The following ATP8B1 variants were observed in gnomAD, a reference collection of about 807,000 sequenced individuals.
ATP8B1 encodes the protein ATPase phospholipid transporting 8B1.
A neutral mutation model predicts 149.9 loss-of-function variants in ATP8B1; 80 were observed. The observed-to-expected ratio is 0.53, with a 90% CI of 0.45 to 0.64. ATP8B1 has a LOEUF of 0.64. Among genes scored for constraint, ATP8B1 ranks in the 30% least tolerant of loss-of-function variants. The pLI is 0.00. For synonymous variants in ATP8B1, 536 were observed against 562.8 expected (o/e 0.95, Z 0.67); for missense variants, 1,247 against 1,552.6 (o/e 0.80, Z 3.31).
intron 1 of ATP8B1, among the ~76,000 whole-genome samples, chr18:57,760,095 G>C (rs1416173853): frequency 6.6e-6 from 1 of 152,050 alleles, no homozygotes; most frequent in East Asian, 1.9e-4. Context: ...TGCAGTACCT[G>C]GATATTCCAA....
At chr18:57,762,617 G>T (rs1485430971) in intron 1 of ATP8B1, among the ~76,000 whole-genome samples, 1 of 152,206 alleles carries the variant, frequency 6.6e-6, no homozygotes, top group African/African-American at 2.4e-5. Flanking sequence ...AGTAAAGGCA[G>T]AAGAGGAGAG....
chr18:57,736,020 G>T (rs2079851141), intron 1 of ATP8B1, among the ~76,000 whole-genome samples: 2 of 105,744 alleles, frequency 1.9e-5, no homozygotes, highest in South Asian at 6.7e-4. Flanking sequence ...TCCCCTCCCT[G>T]TGTTCATGTG....
At chr18:57,764,255 CTTCCTTCT>C (rs2080184998) in intron 1 of ATP8B1, among the ~76,000 whole-genome samples, 1 of 150,054 alleles carries the variant, frequency 6.7e-6, no homozygotes. Flanking sequence ...GCCTTCCTTC[CTTCCTTCT>C]TTCCTTCCTT....
At chr18:57,686,068 T>C (rs1028705744) in intron 13 of ATP8B1, among the ~76,000 whole-genome samples, 6 of 152,034 alleles carry the variant, frequency 3.9e-5, no homozygotes, top group Admixed American at 6.6e-5. Context: ...GTCAACATGG[T>C]GAAACCCCAT....
intron 1 of ATP8B1, among the ~76,000 whole-genome samples, chr18:57,796,303 C>A (rs2080515021): frequency 6.6e-6 from 1 of 152,226 alleles, no homozygotes; most frequent in Admixed American, 6.5e-5. Context: ...TTCTTACAAT[C>A]TTTGTAGCCT....
intron 1 of ATP8B1, among the ~76,000 whole-genome samples, chr18:57,788,929 T>C (rs2080435550): frequency 6.6e-6 from 1 of 152,118 alleles, no homozygotes; most frequent in Non-Finnish European, 1.5e-5. Context: ...TTTAGGAGAA[T>C]AGGAAAATAA....
intron 22 of ATP8B1, among the ~76,000 whole-genome samples, chr18:57,660,847 T>A (rs1910341014): frequency 6.6e-6 from 1 of 152,132 alleles, no homozygotes; most frequent in African/African-American, 2.4e-5. Flanking sequence ...ACCCAAAATA[T>A]GGGAAGAGAA....
At chr18:57,666,080 A>C (rs1910838314) in intron 20 of ATP8B1, among the ~76,000 whole-genome samples, 1 of 152,110 alleles carries the variant, frequency 6.6e-6, no homozygotes, top group Admixed American at 6.6e-5. Flanking sequence ...ACTTTATCAC[A>C]CCTGGCAAAT....
intron 2 of ATP8B1, among the ~76,000 whole-genome samples, chr18:57,709,067 A>G (rs1440009153): frequency 2.0e-5 from 3 of 152,184 alleles, no homozygotes; most frequent in African/African-American, 4.8e-5. Context: ...TTTTTACTCA[A>G]TTTTAGAAAT....
intron 1 of ATP8B1, among the ~76,000 whole-genome samples, chr18:57,746,432 G>A (rs2123237964): frequency 6.6e-6 from 1 of 150,732 alleles, no homozygotes; most frequent in African/African-American, 2.4e-5. Context: ...AGAAAAGTTG[G>A]ATCAGGCCAT....
rs1185894423 is a variant in ATP8B1, at chr18:57,775,687, C to T, written c.-26+27311G>A. 5.4e-5 allele frequency among the ~76,000 whole-genome samples: 8 copies of T among 147,920 alleles called. No homozygotes were observed. In the East Asian group the frequency reaches 1.4e-3, roughly 26 times the overall value. On this transcript the variant is annotated intron_variant, in intron 1 of 27. Transcript: ENST00000648908. ...GAAATGGAGTTTCGCTCTTGTTGCC[C>T]AGGCTGGAGTGCAATGGTGCATTCT... is the stretch of plus-strand genomic sequence containing the variant.
chr18:57,756,823 C>T lies in ATP8B1; in HGVS notation c.-25-24991G>A, dbSNP rs116835495. Among the ~76,000 whole-genome samples, 535 of 152,258 alleles carry T rather than the reference C, an allele frequency of 3.5e-3. 4 individuals carry two copies. The highest frequency in any genetic ancestry group is 5.7e-3 in the Non-Finnish European group (390 of 68,022). On this transcript the variant is annotated intron_variant, in intron 1 of 27. Transcript: ENST00000648908. ...GGCACGTGAGGTCTCTGCCCCTTGT[C>T]GGTGATTGCATTTTGATTTTATACT...
intron 2 of ATP8B1, among the ~76,000 whole-genome samples, chr18:57,712,519 T>TCGTCAC (rs1380037913): frequency 1.3e-5 from 2 of 151,876 alleles, no homozygotes; most frequent in Non-Finnish European, 2.9e-5. Flanking sequence ...CTGGCAAACC[T>TCGTCAC]CGTCACCGAG....
chr18:57,783,264 C>A (rs1325940328), intron 1 of ATP8B1, among the ~76,000 whole-genome samples: 2 of 152,068 alleles, frequency 1.3e-5, no homozygotes, highest in African/African-American at 4.8e-5. Flanking sequence ...GGAAAGAGGG[C>A]ATCTGATGGA....
intron 2 of ATP8B1, 129 bp downstream of exon 2, chr18:57,731,498 T>G: frequency 9.2e-7 from 1 of 1,082,188 alleles, no homozygotes; most frequent in South Asian, 1.4e-5. Context: ...GTCAGTCGCA[T>G]CCTAAGAAGA....
At chr18:57,761,729 C>T (rs897571822) in intron 1 of ATP8B1, among the ~76,000 whole-genome samples, 2 of 150,132 alleles carry the variant, frequency 1.3e-5, no homozygotes, top group Admixed American at 1.3e-4. Flanking sequence ...CTGAGGCGGG[C>T]GGATCACAAG....
chr18:57,727,783 T>A (rs2079723502), intron 2 of ATP8B1, among the ~76,000 whole-genome samples: 1 of 152,020 alleles, frequency 6.6e-6, no homozygotes, highest in Non-Finnish European at 1.5e-5. Context: ...AGAGACTCCA[T>A]CTCAAAACAA....
rs1555690399 is a variant in ATP8B1 at position 57,674,255 on chromosome 18, A to AAAG, written c.1819+578_1819+579insCTT. On this transcript the variant is annotated intron_variant, in intron 16 of 27. Transcript: ENST00000648908. ...AGACTCCATCTCAAAAAAAAAAAAAAAAAGAAAAGAAAAGAAAAAAAAGAG... is the reference window on the plus strand; with the variant it reads ...AGACTCCATCTCAAAAAAAAAAAAAAAAGAAAGAAAAGAAAAGAAAAAAAAGAG... Among the ~76,000 whole-genome samples the AAAG allele has an allele frequency of 6.5e-3, 884 of 135,836 alleles. 16 individuals are homozygous for AAAG. Among genetic ancestry groups the AAAG allele is most frequent in the African/African-American group, 0.023 (771 of 33,650 alleles). 89.1% of individuals were successfully genotyped at this position (135,836 alleles called of 152,430 possible). A position where few individuals can be genotyped will look rare whatever the true frequency, so the allele number is the denominator to read the frequency against.
chr18:57,715,414 A>G (rs1316863748), intron 2 of ATP8B1, among the ~76,000 whole-genome samples: 1 of 152,204 alleles, frequency 6.6e-6, no homozygotes, highest in Non-Finnish European at 1.5e-5. Context: ...TATTGGCATT[A>G]AAGTGGAGGT....
Sources: allele counts gnomAD v4.1 joint callset (sites outside exome capture counted in the v4.1 genomes callset), GRCh38; gene constraint gnomAD v4.1.1; transcripts MANE v1.5; gene names NCBI Gene and HGNC (gene_info 2026-07-23, HGNC 2026-07-21).